ZBTB44: variants seen among roughly 807,000 people sequenced by gnomAD.
ZBTB44 encodes the protein zinc finger and BTB domain-containing protein 44.
Under a neutral mutation model 54.0 loss-of-function variants are expected in ZBTB44, and 15 were observed. The observed-to-expected ratio is 0.28, with a 90% CI of 0.19 to 0.43. The LOEUF is 0.43. Among genes scored for constraint, ZBTB44 ranks in the 20% least tolerant of loss-of-function variants. The pLI is 1.00. For missense variants in ZBTB44, 487 were observed against 707.1 expected, an observed-to-expected ratio of 0.69 and a Z score of 3.53; for synonymous variants, 230 against 250.1, an observed-to-expected ratio of 0.92 and a Z score of 0.76.
intron 1 of ZBTB44, among the ~76,000 whole-genome samples, chr11:130,275,231 T>C (rs991077116): frequency 4.6e-5 from 7 of 152,154 alleles, no homozygotes; most frequent in Non-Finnish European, 8.8e-5. Flanking sequence ...TCTTCCTTAA[T>C]ATAAGCATCT....
intron 1 of ZBTB44, among the ~76,000 whole-genome samples, chr11:130,284,794 A>C (rs1940818180): frequency 6.6e-6 from 1 of 152,090 alleles, no homozygotes. Context: ...TGAACCCAGG[A>C]GGTAGAGGTT....
intron 5 of ZBTB44, among the ~76,000 whole-genome samples, chr11:130,235,309 G>A (rs1308426351): frequency 2.6e-5 from 4 of 152,210 alleles, no homozygotes; most frequent in African/African-American, 7.2e-5. Context: ...GTACAGGGAC[G>A]ATAAAGATAA....
chr11:130,276,242 A>AAAAAAAAAAAAAAGAAAG (rs59112840), intron 1 of ZBTB44, among the ~76,000 whole-genome samples: 11 of 94,420 alleles, frequency 1.2e-4, no homozygotes, highest in Non-Finnish European at 1.8e-4. Flanking sequence ...CAAAAAAAAA[A>AAAAAAAAAAAAAAGAAAG]AAAAGAAAAA....
intron 1 of ZBTB44, among the ~76,000 whole-genome samples, chr11:130,309,112 A>T (rs757982420): frequency 3.3e-5 from 5 of 152,222 alleles, no homozygotes; most frequent in Non-Finnish European, 7.3e-5. Context: ...CCCTCTCTGC[A>T]GCACACAGCA....
At chr11:130,248,961 G>GGGTGT (rs1265502156) in intron 2 of ZBTB44, among the ~76,000 whole-genome samples, 1 of 151,360 alleles carries the variant, frequency 6.6e-6, no homozygotes, top group Non-Finnish European at 1.5e-5. Context: ...AATATTAGCT[G>GGGTGT]GGTGTGGTGG....
rs544823675 is a variant in ZBTB44 at position 130,257,650 on chromosome 11, A to T, written c.1018+3206T>A. On this transcript the variant is annotated intron_variant, in intron 2 of 7. Transcript: ENST00000357899. Reference sequence around the variant, plus strand: ...CTGGCCTCTGACTATGAGAGAATAAATTTTTTTTAAACCATTCAGTTTGCG... The same window carrying T: ...CTGGCCTCTGACTATGAGAGAATAATTTTTTTTTAAACCATTCAGTTTGCG... 9.6e-4 allele frequency among the ~76,000 whole-genome samples: 146 copies of T among 152,088 alleles called. 1 individual carries two copies. Among genetic ancestry groups the T allele is most frequent in the East Asian group, 7.7e-4 (4 of 5,178 alleles).
intron 1 of ZBTB44, among the ~76,000 whole-genome samples, chr11:130,279,222 C>T (rs373749433): frequency 6.6e-6 from 1 of 150,980 alleles, no homozygotes; most frequent in South Asian, 2.1e-4. Flanking sequence ...TTTTTGGGTA[C>T]GCCCACAGTC....
chr11:130,288,007 A>G (rs560124585), intron 1 of ZBTB44, among the ~76,000 whole-genome samples: 1 of 151,862 alleles, frequency 6.6e-6, no homozygotes, highest in South Asian at 2.1e-4. Context: ...AGTAGCACTG[A>G]TTTTTGAAAA....
chr11:130,260,750 CTTTAT>C (rs1358314280), intron 2 of ZBTB44, 101 bp downstream of exon 2: 3 of 1,290,738 alleles, frequency 2.3e-6, no homozygotes, highest in Admixed American at 2.9e-5. Context: ...TTTTACTCTT[CTTTAT>C]ATTTCCTATA....
rs1403205679 is a variant in ZBTB44, at chr11:130,314,625, G to C, written c.-307C>G. ...GCGAGTGGGAGTGCGAGGAGGCGGG[G>C]AGGGAAGCACCCCCAGCGCTCGGAG... On this transcript the variant is annotated 5_prime_UTR_variant, in exon 1 of 8. Transcript: ENST00000357899. 1 of 152,150 alleles carries C rather than the reference G, an allele frequency of 6.6e-6. No homozygotes were observed. Among genetic ancestry groups the C allele is most frequent in the Non-Finnish European group, 1.5e-5 (1 of 68,092 alleles). The allele number at this position is 152,150 out of a possible 1,614,324, so 9.4% of individuals were successfully genotyped here. A position where few individuals can be genotyped will look rare whatever the true frequency, so the allele number is the denominator to read the frequency against.
At chr11:130,240,591 ACAGATAAAGTGAACACC>A (rs1279902020) in intron 2 of ZBTB44, among the ~76,000 whole-genome samples, 1 of 152,202 alleles carries the variant, frequency 6.6e-6, no homozygotes, top group Non-Finnish European at 1.5e-5. Context: ...ACAGAATTTA[ACAGATAAAGTGAACACC>A]CAGGCAACCT....
At chr11:130,296,987 A>T (rs2134413883) in intron 1 of ZBTB44, 1 of 744,246 alleles carries the variant, frequency 1.3e-6, no homozygotes, top group Non-Finnish European at 2.5e-6. Flanking sequence ...AAATCAAGAA[A>T]GTTGAGAAGT....
chr11:130,229,848 T>C lies in ZBTB44; in HGVS notation c.*1916A>G, dbSNP rs1039493698. ...TATTACCTTCTGGCAACTTTGGGTC[T>C]GTTTCTTCTAACTGTAAACTTCACA... On this transcript the variant is annotated 3_prime_UTR_variant, in exon 8 of 8. Coordinates refer to ENST00000357899, the MANE Select transcript of ZBTB44 (RefSeq NM_001301098.2). 6.6e-6 allele frequency: 1 copy of C among 152,182 alleles called. No homozygotes were observed. Among genetic ancestry groups the C allele is most frequent in the Non-Finnish European group, 1.5e-5 (1 of 68,000 alleles). The allele number at this position is 152,182 out of a possible 1,614,324, so 9.4% of individuals were successfully genotyped here.
chr11:130,300,038 G>A (rs755790832), intron 1 of ZBTB44, among the ~76,000 whole-genome samples: 1 of 152,284 alleles, frequency 6.6e-6, no homozygotes, highest in East Asian at 1.9e-4. Context: ...GACATTATGC[G>A]AGTGAAATAA....
chr11:130,294,672 G>C (rs12294750), intron 1 of ZBTB44, among the ~76,000 whole-genome samples: 331 of 150,492 alleles, frequency 2.2e-3, no homozygotes, highest in African/African-American at 7.4e-3. Flanking sequence ...TTTGCAATCA[G>C]ACCTTAGCGA....
intron 1 of ZBTB44, among the ~76,000 whole-genome samples, chr11:130,291,310 T>C (rs1941292084): frequency 1.3e-5 from 2 of 152,148 alleles, no homozygotes; most frequent in Non-Finnish European, 2.9e-5. Context: ...AGCTAATTTT[T>C]GTATTTTTAG....
At chr11:130,250,181 G>T (rs11222011) in intron 2 of ZBTB44, among the ~76,000 whole-genome samples, 85,947 of 151,784 alleles carry the variant, frequency 0.57, 27,620 homozygotes, top group South Asian at 0.69. Context: ...AACACAGTGT[G>T]GCACAGTGGC....
At chr11:130,259,411 T>C (rs192817384) in intron 2 of ZBTB44, among the ~76,000 whole-genome samples, 296 of 152,318 alleles carry the variant, frequency 1.9e-3, no homozygotes, top group Middle Eastern at 0.01. Flanking sequence ...CTCATGAATC[T>C]AGAAACAGAA....
chr11:130,257,535 A>G (rs1048824755), intron 2 of ZBTB44, among the ~76,000 whole-genome samples: 4 of 152,230 alleles, frequency 2.6e-5, no homozygotes, highest in Admixed American at 2.6e-4. Context: ...CAGCTGCCAC[A>G]GGCTGGAAGA....
Sources: allele counts gnomAD v4.1 joint callset (sites outside exome capture counted in the v4.1 genomes callset), GRCh38; gene constraint gnomAD v4.1.1; transcripts MANE v1.5; gene names NCBI Gene and HGNC (gene_info 2026-07-23, HGNC 2026-07-21).